The following USH2A variants were observed in gnomAD, a reference collection of about 807,000 sequenced individuals.
USH2A encodes the protein usherin.
Under a neutral mutation model 538.9 loss-of-function variants are expected in USH2A, and 443 were observed. That is an observed-to-expected ratio of 0.82 (90% CI 0.76 to 0.89). USH2A has a LOEUF of 0.89. USH2A is among the 40% of genes least tolerant of loss of function. USH2A has a pLI of 0.00. For missense variants in USH2A, 6,633 were observed against 6,324.8 expected (o/e 1.05, Z -1.65); for synonymous variants, 2,413 against 2,273.5 (o/e 1.06, Z -1.75).
intron 49 of USH2A, among the ~76,000 whole-genome samples, chr1:215,807,328 C>T (rs1027781826): frequency 1.1e-4 from 17 of 152,048 alleles, no homozygotes; most frequent in Admixed American, 5.9e-4. Flanking sequence ...TTTTAAGCCA[C>T]GAAGTGTCTG....
At chr1:215,887,204 G>C (rs1056505255) in intron 41 of USH2A, among the ~76,000 whole-genome samples, 6 of 152,154 alleles carry the variant, frequency 3.9e-5, no homozygotes, top group South Asian at 2.1e-4. Flanking sequence ...GTAACGCCTA[G>C]TTATAAGATT....
At chr1:215,968,914 C>T (rs1407311035) in intron 36 of USH2A, among the ~76,000 whole-genome samples, 1 of 152,046 alleles carries the variant, frequency 6.6e-6, no homozygotes, top group African/African-American at 2.4e-5. Flanking sequence ...GAAAACTCTG[C>T]CTTTTAAGAT....
rs150286388 is a variant in USH2A at position 215,647,559 on chromosome 1, C to T, written c.14754G>A (p.Thr4918=). 227 of 1,614,120 alleles carry T rather than the reference C, an allele frequency of 1.4e-4. 1 individual carries two copies. The African/African-American group carries it at 2.2e-3, about 15-fold the overall frequency. ...TGGTGAAACTGATCCACTCGGAAGC[C>T]GTACTGCCCACCTCGTTGTGTGCCA... The part of the protein sequence containing the change: ...RVVAHNEVGS[T]ASEWISFTTQ... The change falls in exon 67 of 72, where the codon ACG becomes ACA. Residue 4918 remains threonine, a synonymous_variant. Transcript: ENST00000307340.
rs74141404 is a variant in USH2A at position 215,762,832 on chromosome 1, G to A, written c.11048-2989C>T. Among the ~76,000 whole-genome samples the A allele has an allele frequency of 6.8e-3, 1,041 of 152,230 alleles. 12 individuals carry two copies. The highest frequency in any genetic ancestry group is 0.024 in the African/African-American group (985 of 41,550). On this transcript the variant is annotated intron_variant, in intron 56 of 71. Transcript: ENST00000307340. The stretch of plus-strand genomic sequence containing the variant: ...GAGGGAAGTAACCTAGGAGGATGGG[G>A]TGGGGTAAACTAGCTGCAAGGTTAA...
chr1:216,048,452 T>C, intron 31 of USH2A, 82 bp downstream of exon 31: 2 of 1,390,556 alleles, frequency 1.4e-6, no homozygotes. Flanking sequence ...TGCCAGCAAA[T>C]GGCCTTGTAG....
At chr1:216,085,182 C>T (rs1571948565) in intron 24 of USH2A, 1 of 319,808 alleles carries the variant, frequency 3.1e-6, no homozygotes, top group East Asian at 6.4e-5. Flanking sequence ...TGCCACTAGC[C>T]TCAAAAATAA....
chr1:215,695,667 C>T (rs996269521), intron 61 of USH2A, among the ~76,000 whole-genome samples: 1 of 152,166 alleles, frequency 6.6e-6, no homozygotes, highest in East Asian at 1.9e-4. Flanking sequence ...TACAGCTGAC[C>T]TCTGAGCAAT....
intron 11 of USH2A, among the ~76,000 whole-genome samples, chr1:216,282,337 T>C (rs2036799597): frequency 6.6e-6 from 1 of 152,182 alleles, no homozygotes; most frequent in African/African-American, 2.4e-5. Context: ...TACATTTTCT[T>C]CTCAAGATTT....
At chr1:216,165,489 A>T (rs2034148563) in intron 21 of USH2A, among the ~76,000 whole-genome samples, 1 of 152,208 alleles carries the variant, frequency 6.6e-6, no homozygotes, top group Non-Finnish European at 1.5e-5. Flanking sequence ...TATACAGTTT[A>T]AAATGTATTT....
At chr1:215,727,578 T>A (rs1659861643) in intron 61 of USH2A, among the ~76,000 whole-genome samples, 1 of 151,776 alleles carries the variant, frequency 6.6e-6, no homozygotes, top group African/African-American at 2.4e-5. Flanking sequence ...AATACAAAAA[T>A]TAGTTGGGCA....
At chr1:215,968,550 A>ATGAACAATT (rs1279640574) in intron 36 of USH2A, among the ~76,000 whole-genome samples, 3 of 152,144 alleles carry the variant, frequency 2.0e-5, no homozygotes, top group Admixed American at 6.6e-5. Context: ...TTTTTATTAT[A>ATGAACAATT]TGAACAATTT....
chr1:216,112,829 C>A (rs1187371667), intron 21 of USH2A, among the ~76,000 whole-genome samples: 2 of 151,742 alleles, frequency 1.3e-5, no homozygotes, highest in South Asian at 2.1e-4. Context: ...TGTATATGTA[C>A]CACATTTTCT....
At chr1:215,790,707 G>A (rs1220245894) in intron 50 of USH2A, among the ~76,000 whole-genome samples, 1 of 152,200 alleles carries the variant, frequency 6.6e-6, no homozygotes, top group Non-Finnish European at 1.5e-5. Context: ...TAAAAGCCCA[G>A]GCAGAGTGGA....
intron 44 of USH2A, among the ~76,000 whole-genome samples, chr1:215,854,120 G>C (rs1436314605): frequency 6.6e-6 from 1 of 152,162 alleles, no homozygotes. Context: ...GGCTTACTGG[G>C]CTCATAGTTC....
chr1:215,799,712 G>T (rs895244778), intron 49 of USH2A, among the ~76,000 whole-genome samples: 2 of 152,112 alleles, frequency 1.3e-5, no homozygotes, highest in African/African-American at 4.8e-5. Flanking sequence ...TCCACCAGGT[G>T]TGGTGCTTTA....
chr1:216,100,159 T>C (rs1028235507), intron 21 of USH2A, among the ~76,000 whole-genome samples: 1 of 152,144 alleles, frequency 6.6e-6, no homozygotes, highest in African/African-American at 2.4e-5. Context: ...GAAGAAAAAC[T>C]TACGGAGCTG....
chr1:216,054,386 C>CA (rs921056399), intron 30 of USH2A, among the ~76,000 whole-genome samples: 1 of 144,262 alleles, frequency 6.9e-6, no homozygotes, highest in African/African-American at 2.9e-5. Context: ...CGACCTAAGA[C>CA]AAAATCATTG....
chr1:215,919,894 T>A (rs561032810), intron 38 of USH2A, among the ~76,000 whole-genome samples: 1 of 152,180 alleles, frequency 6.6e-6, no homozygotes, highest in South Asian at 2.1e-4. Context: ...TAGAACTGTA[T>A]CTGGCCATGT....
chr1:215,758,148 T>G (rs756085392), intron 58 of USH2A, among the ~76,000 whole-genome samples: 1 of 152,022 alleles, frequency 6.6e-6, no homozygotes, highest in Non-Finnish European at 1.5e-5. Flanking sequence ...TAGCCGGGCA[T>G]GGTGGCATAT....
Sources: gnomAD v4.1 joint callset for allele counts (sites outside exome capture counted in the v4.1 genomes callset) on GRCh38, gnomAD v4.1.1 for gene constraint, MANE v1.5 for transcripts, NCBI Gene and HGNC (gene_info 2026-07-23, HGNC 2026-07-21) for gene names.